Variants in MGAT4C observed in about 807,000 individuals in gnomAD.
MGAT4C encodes the protein alpha-1,3-mannosyl-glycoprotein 4-beta-N-acetylglucosaminyltransferase C.
In MGAT4C, 19 loss-of-function variants were observed where a neutral mutation model predicts 40.1. The observed-to-expected ratio is 0.47, with a 90% confidence interval of 0.33 to 0.70. The LOEUF is 0.70. MGAT4C is among the 30% of genes least tolerant of loss of function. The pLI is 0.02. For synonymous variants in MGAT4C, 181 were observed against 187.1 expected, an observed-to-expected ratio of 0.97 and a Z score of 0.27; for missense variants, 491 against 563.2, an observed-to-expected ratio of 0.87 and a Z score of 1.30.
intron 3 of MGAT4C, among the ~76,000 whole-genome samples, chr12:85,989,112 T>C (rs1208472239): frequency 6.6e-6 from 1 of 152,076 alleles, no homozygotes; most frequent in Non-Finnish European, 1.5e-5. Context: ...AAAATCTTAA[T>C]GGCTCCACAT....
At chr12:86,823,996 C>A (rs1202414744) in intron 1 of MGAT4C, among the ~76,000 whole-genome samples, 1 of 151,324 alleles carries the variant, frequency 6.6e-6, no homozygotes, top group Non-Finnish European at 1.5e-5. Context: ...CAGAAATAAA[C>A]AAGGTGTAAG....
At chr12:86,491,711 A>G (rs1958139533) in intron 2 of MGAT4C, among the ~76,000 whole-genome samples, 1 of 150,988 alleles carries the variant, frequency 6.6e-6, no homozygotes, top group Non-Finnish European at 1.5e-5. Context: ...CAAAAACTGG[A>G]AGCATTCCCT....
chr12:86,613,061 C>G (rs928585043), intron 2 of MGAT4C, among the ~76,000 whole-genome samples: 2 of 152,062 alleles, frequency 1.3e-5, no homozygotes, highest in African/African-American at 4.8e-5. Flanking sequence ...ATTACATAAT[C>G]TATTTTCCTG....
intron 2 of MGAT4C, among the ~76,000 whole-genome samples, chr12:86,499,486 CAAAA>C (rs556700213): frequency 6.6e-6 from 1 of 151,588 alleles, no homozygotes; most frequent in Non-Finnish European, 1.5e-5. Context: ...CAAAACAAAA[CAAAA>C]AACCTCTCTT....
intron 1 of MGAT4C, among the ~76,000 whole-genome samples, chr12:86,085,521 T>A (rs1041677008): frequency 9.2e-5 from 14 of 152,162 alleles, no homozygotes; most frequent in African/African-American, 3.1e-4. Flanking sequence ...GTAGATGTGT[T>A]GTGTTATTTC....
chr12:86,544,922 C>G (rs1959185423), intron 2 of MGAT4C, among the ~76,000 whole-genome samples: 1 of 151,982 alleles, frequency 6.6e-6, no homozygotes, highest in Admixed American at 6.6e-5. Flanking sequence ...TTTATGTTCA[C>G]CATGCAACTC....
intron 2 of MGAT4C, among the ~76,000 whole-genome samples, chr12:86,633,490 AC>A (rs1963126389): frequency 6.6e-6 from 1 of 152,090 alleles, no homozygotes; most frequent in African/African-American, 2.4e-5. Flanking sequence ...GACTGTGACA[AC>A]CATCCTTTCC....
chr12:86,199,939 C>G (rs894495232), intron 1 of MGAT4C, among the ~76,000 whole-genome samples: 1 of 151,940 alleles, frequency 6.6e-6, no homozygotes, highest in African/African-American at 2.4e-5. Flanking sequence ...AATTTTGACA[C>G]ATGAATGCAC....
rs7954932 is a variant in MGAT4C, at chr12:86,049,743, A to G, written c.-56-20T>C. On this transcript the variant is annotated intron_variant, in intron 1 of 4. Transcript: ENST00000611864. ...GATACCCTGGAAAAAAGAAAGTCTAATATTACTAATACAACCCACTGGTTT... is the reference window on the plus strand; with the variant it reads ...GATACCCTGGAAAAAAGAAAGTCTAGTATTACTAATACAACCCACTGGTTT... 698,125 of 942,312 alleles carry G rather than the reference A, an allele frequency of 0.74. 259,830 individuals are homozygous for G. The highest frequency in any genetic ancestry group is 0.97 in the East Asian group (8,355 of 8,618). The allele number at this position is 942,312 out of a possible 1,614,324, so 58.4% of individuals were successfully genotyped here.
chr12:86,728,059 A>T lies in MGAT4C; in HGVS notation c.-261-818T>A, dbSNP rs142522801. ...TGTTCTTTATTGATAAATAAGTTTT[A>T]TTCAGATAAAAGTTAACTATATTTA... On this transcript the variant is annotated intron_variant, in intron 1 of 7. Transcript: ENST00000548651. Among the ~76,000 whole-genome samples the T allele has an allele frequency of 3.3e-3, 505 of 152,326 alleles. 2 individuals carry two copies. Among genetic ancestry groups the T allele is most frequent in the African/African-American group, 0.012 (498 of 41,582 alleles).
intron 3 of MGAT4C, among the ~76,000 whole-genome samples, chr12:86,372,585 G>A (rs1955738427): frequency 6.6e-6 from 1 of 151,748 alleles, no homozygotes; most frequent in Non-Finnish European, 1.5e-5. Context: ...TGGATATACT[G>A]CCCAAGTCTA....
At chr12:86,529,479 A>T (rs1488058198) in intron 2 of MGAT4C, among the ~76,000 whole-genome samples, 1 of 152,006 alleles carries the variant, frequency 6.6e-6, no homozygotes, top group Non-Finnish European at 1.5e-5. Context: ...CACTTGCTTC[A>T]GTGGCAGGCA....
intron 3 of MGAT4C, among the ~76,000 whole-genome samples, chr12:86,364,003 C>T (rs1327259745): frequency 2.6e-5 from 4 of 151,846 alleles, no homozygotes; most frequent in Non-Finnish European, 4.4e-5. Flanking sequence ...GAGACACAAA[C>T]ACACACATAC....
chr12:86,044,258 A>T (rs980310113), intron 2 of MGAT4C, among the ~76,000 whole-genome samples: 1 of 152,156 alleles, frequency 6.6e-6, no homozygotes, highest in Non-Finnish European at 1.5e-5. Flanking sequence ...GGAGGGGCTG[A>T]GCTGTTTCCA....
At chr12:86,511,019 T>C (rs1027500884) in intron 2 of MGAT4C, among the ~76,000 whole-genome samples, 3 of 152,090 alleles carry the variant, frequency 2.0e-5, no homozygotes, top group Admixed American at 1.3e-4. Context: ...ACTCTCCACC[T>C]CAAATCGACA....
rs958383322 is a variant in MGAT4C at position 86,191,430 on chromosome 12, G to A, written c.-57+64809C>T. Reference sequence around the variant, plus strand: ...AATATCTCCTAATCAAATACAAGAGGAAAGGTTCTGGATGATCATGTATTT... The same window carrying A: ...AATATCTCCTAATCAAATACAAGAGAAAAGGTTCTGGATGATCATGTATTT... On this transcript the variant is annotated intron_variant, in intron 1 of 4. Coordinates refer to ENST00000611864, the MANE Select transcript of MGAT4C (RefSeq NM_001351288.2). Among the ~76,000 whole-genome samples the A allele has an allele frequency of 4.2e-4, 64 of 151,750 alleles. 3 individuals carry two copies. Among genetic ancestry groups the A allele is most frequent in the Admixed American group, 4.2e-3 (64 of 15,230 alleles).
chr12:86,443,233 T>C (rs1349337504), intron 2 of MGAT4C, among the ~76,000 whole-genome samples: 1 of 151,940 alleles, frequency 6.6e-6, no homozygotes, highest in African/African-American at 2.4e-5. Context: ...TATATACACA[T>C]GTAAATTTCT....
chr12:86,719,988 T>G (rs1221982364), intron 2 of MGAT4C, among the ~76,000 whole-genome samples: 1 of 152,172 alleles, frequency 6.6e-6, no homozygotes, highest in Non-Finnish European at 1.5e-5. Flanking sequence ...CTTAGGTCTT[T>G]TGGGATCCTT....
chr12:86,669,488 A>G (rs1236654755), intron 2 of MGAT4C, among the ~76,000 whole-genome samples: 1 of 152,196 alleles, frequency 6.6e-6, no homozygotes, highest in African/African-American at 2.4e-5. Flanking sequence ...TGGAGGACCC[A>G]TTCTCCTGGA....
Sources: gnomAD v4.1 joint callset for allele counts (sites outside exome capture counted in the v4.1 genomes callset) on GRCh38, gnomAD v4.1.1 for gene constraint, MANE v1.5 for transcripts, NCBI Gene and HGNC (gene_info 2026-07-23, HGNC 2026-07-21) for gene names.